Variants in TRAF3 observed in about 807,000 individuals in gnomAD.
TRAF3 encodes the protein TNF receptor-associated factor 3.
In TRAF3, 13 loss-of-function variants were observed where a neutral mutation model predicts 62.3. That is an observed-to-expected ratio of 0.21 (90% CI 0.14 to 0.33). The LOEUF is 0.33. TRAF3 is among the 10% of genes least tolerant of loss of function. TRAF3 has a pLI of 1.00. For missense variants in TRAF3, 440 were observed against 741.8 expected (o/e 0.59, Z 4.73); for synonymous variants, 269 against 283.4 (o/e 0.95, Z 0.51).
At chr14:102,841,225 A>T (rs1369614862) in intron 2 of TRAF3, among the ~76,000 whole-genome samples, 2 of 152,210 alleles carry the variant, frequency 1.3e-5, no homozygotes, top group African/African-American at 4.8e-5. Flanking sequence ...GTGGAGGAAA[A>T]CATAGGAGAG....
At chr14:102,812,993 T>G (rs1286432099) in intron 1 of TRAF3, among the ~76,000 whole-genome samples, 2 of 152,230 alleles carry the variant, frequency 1.3e-5, no homozygotes, top group Non-Finnish European at 2.9e-5. Flanking sequence ...TTATTTAGTT[T>G]TGAGGTGGAG....
rs878904361 is a variant in TRAF3, at chr14:102,905,220, G to A, written c.1143G>A (p.Leu381=). The A allele has an allele frequency of 1.2e-6, 2 of 1,613,558 alleles. No individual in the cohort carries two copies. Among genetic ancestry groups the A allele is most frequent in the South Asian group, 2.2e-5 (2 of 91,086 alleles). The change falls in exon 12 of 12, where the codon CTG becomes CTA. Residue 381 remains leucine, a synonymous_variant. Transcript: ENST00000392745. ...CCTCCTCACCTGTGGCAGGCCTGCT[G>A]GAGTCCCAGCTGAGCCGGCATGACC... ...AGQVARNTGL[L]ESQLSRHDQM... is the part of the protein sequence containing the mutation.
chr14:102,850,103 T>A (rs1003493361), intron 2 of TRAF3, among the ~76,000 whole-genome samples: 2 of 152,138 alleles, frequency 1.3e-5, no homozygotes, highest in African/African-American at 4.8e-5. Context: ...TCAACTAAAA[T>A]CATGGAACTG....
At chr14:102,850,688 T>TAAAAA (rs35096461) in intron 2 of TRAF3, among the ~76,000 whole-genome samples, 1,435 of 87,426 alleles carry the variant, frequency 0.016, 74 homozygotes, top group African/African-American at 0.058. Flanking sequence ...AGACTCCGTC[T>TAAAAA]AAAAAAAAAA....
At chr14:102,849,643 T>G (rs1213772863) in intron 2 of TRAF3, among the ~76,000 whole-genome samples, 1 of 152,204 alleles carries the variant, frequency 6.6e-6, no homozygotes, top group Non-Finnish European at 1.5e-5. Flanking sequence ...AAGGGGGCTT[T>G]TCATGTGTGA....
chr14:102,863,478 C>T (rs1887796902), intron 2 of TRAF3, among the ~76,000 whole-genome samples: 1 of 152,150 alleles, frequency 6.6e-6, no homozygotes, highest in African/African-American at 2.4e-5. Context: ...AGCACACCTT[C>T]AACACTCAGC....
intron 1 of TRAF3, among the ~76,000 whole-genome samples, chr14:102,777,919 C>G (rs1462533663): frequency 1.3e-5 from 2 of 149,742 alleles, no homozygotes; most frequent in African/African-American, 2.4e-5. Flanking sequence ...AACTTTGTCC[C>G]GGAGGCCGGG....
chr14:102,905,958 T>C lies in TRAF3; in HGVS notation c.*174T>C, dbSNP rs1203074220. The C allele has an allele frequency of 1.4e-5, 8 of 579,932 alleles. No homozygotes were observed. The highest frequency in any genetic ancestry group is 9.3e-5 in the South Asian group (4 of 43,036). 35.9% of individuals were successfully genotyped at this position (579,932 alleles called of 1,614,324 possible). A position where few individuals can be genotyped will look rare whatever the true frequency, so the allele number is the denominator to read the frequency against. On this transcript the variant is annotated 3_prime_UTR_variant, in exon 12 of 12. Transcript: ENST00000392745. Reference sequence around the variant, plus strand: ...ACGCGTGAGCACACCTGACACGTTTTATAATAGACTAGCCACACTTCACTC... The same window carrying C: ...ACGCGTGAGCACACCTGACACGTTTCATAATAGACTAGCCACACTTCACTC...
At chr14:102,781,063 CGT>C (rs1260356517) in intron 1 of TRAF3, among the ~76,000 whole-genome samples, 3 of 152,266 alleles carry the variant, frequency 2.0e-5, no homozygotes, top group Non-Finnish European at 1.5e-5. Context: ...ATTCTGGAAG[CGT>C]GGTGGGAATC....
At chr14:102,869,847 G>T (rs919613985) in intron 2 of TRAF3, among the ~76,000 whole-genome samples, 1 of 151,472 alleles carries the variant, frequency 6.6e-6, no homozygotes, top group African/African-American at 2.4e-5. Context: ...GCCTCGCTCT[G>T]TTGCTCAGCC....
intron 2 of TRAF3, among the ~76,000 whole-genome samples, chr14:102,833,538 T>C (rs538642660): frequency 1.3e-5 from 2 of 152,338 alleles, no homozygotes; most frequent in East Asian, 3.9e-4. Flanking sequence ...ATGAGTCCTT[T>C]GCATTCGAGT....
chr14:102,894,543 G>A (rs961490343), intron 9 of TRAF3, among the ~76,000 whole-genome samples: 1 of 152,188 alleles, frequency 6.6e-6, no homozygotes, highest in Admixed American at 6.5e-5. Context: ...CCTGCCAGGT[G>A]GACTTTCCTG....
At chr14:102,868,789 A>G (rs1888155767) in intron 2 of TRAF3, among the ~76,000 whole-genome samples, 1 of 152,196 alleles carries the variant, frequency 6.6e-6, no homozygotes, top group African/African-American at 2.4e-5. Flanking sequence ...AATTTTTACT[A>G]AAGCTCACAT....
In TRAF3 at chr14:102,795,594, A is replaced by ATGTGTGTG. The variant is rs1249954107; in HGVS notation, c.-157+17920_-157+17921insGTGTGTGT. Reference sequence around the variant, plus strand: ...TACATGATATGTATGCATGATATGTATATATGTGTGTGTGTGTGTGTGTGT... The same window carrying ATGTGTGTG: ...TACATGATATGTATGCATGATATGTATGTGTGTGTATATGTGTGTGTGTGTGTGTGTGT... On this transcript the variant is annotated intron_variant, in intron 1 of 11. Transcript: ENST00000392745. 7.3e-4 allele frequency among the ~76,000 whole-genome samples: 93 copies of ATGTGTGTG among 126,630 alleles called. 1 individual carries two copies. The highest frequency in any genetic ancestry group is 1.2e-3 in the East Asian group (5 of 4,220). The allele number at this position is 126,630 out of a possible 152,430, so 83.1% of individuals were successfully genotyped here. A position where few individuals can be genotyped will look rare whatever the true frequency, so the allele number is the denominator to read the frequency against.
intron 2 of TRAF3, among the ~76,000 whole-genome samples, chr14:102,862,689 A>G (rs1887749579): frequency 6.6e-6 from 1 of 151,992 alleles, no homozygotes. Flanking sequence ...TATTTCTTCA[A>G]ACTTTTTTTT....
At position 102,886,212 on chromosome 14, in the gene TRAF3, C is replaced by T. The variant is rs1345932867; in HGVS notation, c.594C>T (p.Pro198=). The stretch of plus-strand genomic sequence containing the variant: ...AGAAACACGAAGACACCGACTGTCC[C>T]TGCGTGGTGGTGTCCTGCCCTCACA... The part of the protein sequence containing the change: ...ALQKHEDTDC[P]CVVVSCPHKC... The change falls in exon 7 of 12, where the codon CCC becomes CCT. Residue 198 remains proline (P), a synonymous_variant. Transcript: ENST00000392745. 1 of 1,613,120 alleles carries T rather than the reference C, an allele frequency of 6.2e-7. No homozygotes were observed. Among genetic ancestry groups the T allele is most frequent in the Non-Finnish European group, 8.5e-7 (1 of 1,179,668 alleles).
At chr14:102,836,787 AT>A (rs1260029845) in intron 2 of TRAF3, among the ~76,000 whole-genome samples, 1 of 152,250 alleles carries the variant, frequency 6.6e-6, no homozygotes, top group East Asian at 1.9e-4. Flanking sequence ...CTATAAAAAT[AT>A]GTCTGACATT....
intron 1 of TRAF3, among the ~76,000 whole-genome samples, chr14:102,802,677 A>C (rs1272693288): frequency 6.6e-6 from 1 of 151,534 alleles, no homozygotes; most frequent in Non-Finnish European, 1.5e-5. Flanking sequence ...AAATACAAAA[A>C]AATTAGCCGG....
chr14:102,880,333 C>T (rs1288111119), intron 6 of TRAF3, among the ~76,000 whole-genome samples: 1 of 152,190 alleles, frequency 6.6e-6, no homozygotes, highest in Non-Finnish European at 1.5e-5. Context: ...ATAATAATTT[C>T]TCCAGTTGTT....
Sources: allele counts gnomAD v4.1 joint callset (sites outside exome capture counted in the v4.1 genomes callset), GRCh38; gene constraint gnomAD v4.1.1; transcripts MANE v1.5; gene names NCBI Gene and HGNC (gene_info 2026-07-23, HGNC 2026-07-21).